The following ZWILCH variants were observed in gnomAD, a reference collection of about 807,000 sequenced individuals.
ZWILCH encodes the protein protein zwilch homolog.
In ZWILCH, 74 loss-of-function variants were observed where a neutral mutation model predicts 79.9. That is an observed-to-expected ratio of 0.93 (90% CI 0.77 to 1.12). ZWILCH has a LOEUF of 1.12. Among genes scored for constraint, ZWILCH ranks in the 50% most tolerant of loss-of-function variants. The pLI, the probability that ZWILCH is intolerant of heterozygous loss-of-function variation, is 0.00. For missense variants in ZWILCH, 694 were observed against 687.5 expected (o/e 1.01, Z -0.11); for synonymous variants, 241 against 228.2 (o/e 1.06, Z -0.51).
In ZWILCH at chr15:66,548,615, C is replaced by A; in HGVS notation, c.*291C>A. ...TGACTTAGCAAGGGCTCTGAAATGA[C>A]AAAGAGAACGAGCACCACAAATGAG... On this transcript the variant is annotated 3_prime_UTR_variant, in exon 19 of 19. Coordinates refer to ENST00000307897, the MANE Select transcript of ZWILCH (RefSeq NM_017975.5). The A allele has an allele frequency of 7.0e-7, 1 of 1,420,498 alleles. No individual in the cohort carries two copies. Among genetic ancestry groups the A allele is most frequent in the South Asian group, 1.2e-5 (1 of 86,734 alleles). The allele number at this position is 1,420,498 out of a possible 1,614,324, so 88.0% of individuals were successfully genotyped here. A position where few individuals can be genotyped will look rare whatever the true frequency, so the allele number is the denominator to read the frequency against.
intron 7 of ZWILCH, chr15:66,523,434 A>G: frequency 2.8e-6 from 1 of 351,200 alleles, no homozygotes; most frequent in Non-Finnish European, 5.1e-6. Flanking sequence ...TGTTCCACAT[A>G]GGTACAATTG....
At chr15:66,517,411 T>TGTGC (rs1325748714) in intron 4 of ZWILCH, among the ~76,000 whole-genome samples, 1 of 45,266 alleles carries the variant, frequency 2.2e-5, no homozygotes, top group African/African-American at 1.0e-4. Flanking sequence ...TTTGTGTTTG[T>TGTGC]GTGTGCGTGT....
At chr15:66,523,833 T>G in intron 8 of ZWILCH, 85 bp downstream of exon 8, 1 of 1,108,610 alleles carries the variant, frequency 9.0e-7, no homozygotes, top group Non-Finnish European at 1.3e-6. Context: ...AGGTTTGTGT[T>G]ACTCAAAACT....
chr15:66,531,548 C>G (rs543169737), intron 12 of ZWILCH, among the ~76,000 whole-genome samples: 1 of 152,140 alleles, frequency 6.6e-6, no homozygotes, highest in Admixed American at 6.5e-5. Flanking sequence ...GCAGCCTCTG[C>G]CTCCCAGGCT....
chr15:66,508,820 A>G (rs1337667844), intron 1 of ZWILCH, 21 bp from the exon 2 acceptor site: 1 of 1,613,736 alleles, frequency 6.2e-7, no homozygotes, highest in Non-Finnish European at 8.5e-7. Flanking sequence ...TCTGTTTTTC[A>G]CATGTGGTTC....
rs1388393988 is a variant in ZWILCH at position 66,523,669 on chromosome 15, C to G, written c.748-8C>G. ...CTAGAAAACTGACAGACTTTGGAAACTTTTTAGAATATTAAAGTGGAATCA... is the reference window on the plus strand; with the variant it reads ...CTAGAAAACTGACAGACTTTGGAAAGTTTTTAGAATATTAAAGTGGAATCA... On this transcript the variant is annotated splice_region_variant and splice_polypyrimidine_tract_variant and intron_variant, in intron 7 of 18. Transcript: ENST00000307897. The G allele has an allele frequency of 2.5e-6, 4 of 1,606,672 alleles. No homozygotes were observed. Among genetic ancestry groups the G allele is most frequent in the Non-Finnish European group, 3.4e-6 (4 of 1,175,172 alleles).
chr15:66,526,308 C>T (rs1316117507), intron 8 of ZWILCH, among the ~76,000 whole-genome samples: 2 of 152,110 alleles, frequency 1.3e-5, no homozygotes, highest in South Asian at 2.1e-4. Flanking sequence ...TCCTATTTCC[C>T]GCTGCTTCAT....
chr15:66,509,924 C>T (rs891066621), intron 2 of ZWILCH, among the ~76,000 whole-genome samples: 2 of 141,802 alleles, frequency 1.4e-5, no homozygotes, highest in Non-Finnish European at 3.1e-5. Flanking sequence ...TGCCTGTAAT[C>T]GCAGCACTTT....
intron 17 of ZWILCH, among the ~76,000 whole-genome samples, chr15:66,545,819 A>G (rs1459861915): frequency 6.6e-6 from 1 of 152,174 alleles, no homozygotes; most frequent in East Asian, 1.9e-4. Flanking sequence ...AAAATGTTTA[A>G]TTTTCTTTCG....
At chr15:66,519,541 G>A (rs560379632) in intron 5 of ZWILCH, among the ~76,000 whole-genome samples, 34 of 152,120 alleles carry the variant, frequency 2.2e-4, no homozygotes, top group African/African-American at 7.2e-4. Context: ...TGCAACCTCC[G>A]CCTCCTGGGT....
At chr15:66,534,672 C>T (rs1000190500) in intron 14 of ZWILCH, among the ~76,000 whole-genome samples, 2 of 151,948 alleles carry the variant, frequency 1.3e-5, no homozygotes, top group East Asian at 1.9e-4. Flanking sequence ...GTAAAAATAA[C>T]GTACAAAAGA....
intron 8 of ZWILCH, chr15:66,524,458 G>A (rs1414966346): frequency 1.3e-5 from 2 of 151,972 alleles, no homozygotes; most frequent in Non-Finnish European, 2.9e-5. Flanking sequence ...ATCATACCAA[G>A]CTCCTTGCTT....
At chr15:66,505,861 T>A (rs1328505121) in intron 1 of ZWILCH, 2 of 172,576 alleles carry the variant, frequency 1.2e-5, no homozygotes, top group Non-Finnish European at 2.5e-5. Flanking sequence ...AAAACACCTT[T>A]ATTTTTTCAC....
rs1895148514 is a variant in ZWILCH, at chr15:66,540,148, T to C, written c.1625T>C (p.Ile542Thr). 6.2e-7 allele frequency: 1 copy of C among 1,613,750 alleles called. No homozygotes were observed. Among genetic ancestry groups the C allele is most frequent in the Non-Finnish European group, 8.5e-7 (1 of 1,179,830 alleles). ...RVEIYSGQKKIKTVWQLSDSS... is the reference protein window; with the variant it reads ...RVEIYSGQKKTKTVWQLSDSS... ...GAAATATATAGTGGTCAAAAGAAGA[T>C]TAAGACAGTTTGGCAACTGAGTGAC... The change falls in exon 17 of 19, where the codon ATT becomes ACT. Residue 542 changes from isoleucine (I) to threonine (T), a missense_variant. Physicochemically the swap from Ile to Thr is moderately conservative, Grantham distance 89 (BLOSUM62 -1). Transcript: ENST00000307897.
rs1356930165 is a variant in ZWILCH at position 66,509,819 on chromosome 15, CTACATATATATATATATATATA to C, written c.105+930_105+951del. 6.0e-5 allele frequency among the ~76,000 whole-genome samples: 3 copies of C among 49,850 alleles called. No homozygotes were observed. In the South Asian group the frequency reaches 1.9e-3, roughly 31 times the overall value. 32.7% of individuals were successfully genotyped at this position (49,850 alleles called of 152,430 possible). The stretch of plus-strand genomic sequence containing the variant: ...TATCTATAATTATGTGTGTGTGTGG[CTACATATATATATATATATATA>C]TATATATATATATATATATATATAT... On this transcript the variant is annotated intron_variant, in intron 2 of 18. Coordinates refer to ENST00000307897, the MANE Select transcript of ZWILCH (RefSeq NM_017975.5).
At chr15:66,544,807 G>A (rs933919492) in intron 17 of ZWILCH, among the ~76,000 whole-genome samples, 5 of 149,302 alleles carry the variant, frequency 3.3e-5, no homozygotes, top group African/African-American at 1.2e-4. Flanking sequence ...GCAGTGGCGC[G>A]ATCTCGGCTC....
At chr15:66,536,096 T>C (rs757192506) in intron 15 of ZWILCH, 27 bp downstream of exon 15, 7 of 1,555,892 alleles carry the variant, frequency 4.5e-6, no homozygotes, top group East Asian at 2.3e-5. Context: ...TCTTCACTTA[T>C]ATAGAAATGT....
In ZWILCH at chr15:66,517,430, G is replaced by GTGTGTGTGTATATA; in HGVS notation, c.321-1448_321-1447insGTGTGTGTATATAT. 3.3e-3 allele frequency among the ~76,000 whole-genome samples: 220 copies of GTGTGTGTGTATATA among 66,508 alleles called. 1 individual carries two copies. Among genetic ancestry groups the GTGTGTGTGTATATA allele is most frequent in the African/African-American group, 0.012 (195 of 16,328 alleles). The allele number at this position is 66,508 out of a possible 152,430, so 43.6% of individuals were successfully genotyped here. A position where few individuals can be genotyped will look rare whatever the true frequency, so the allele number is the denominator to read the frequency against. On this transcript the variant is annotated intron_variant, in intron 4 of 18. Coordinates refer to ENST00000307897, the MANE Select transcript of ZWILCH (RefSeq NM_017975.5). ...TGTTTGTGTGTGCGTGTGTGTGTGT[G>GTGTGTGTGTATATA]TATATATATATATATATATATATAT...
At chr15:66,505,579 G>T (rs566822059) in intron 1 of ZWILCH, 188 bp downstream of exon 1, 2 of 631,554 alleles carry the variant, frequency 3.2e-6, no homozygotes, top group Admixed American at 6.7e-5. Context: ...GAGCTTGCTT[G>T]TCTCAGGAGA....
Sources: gnomAD v4.1 joint callset for allele counts (sites outside exome capture counted in the v4.1 genomes callset) on GRCh38, gnomAD v4.1.1 for gene constraint, MANE v1.5 for transcripts, NCBI Gene and HGNC (gene_info 2026-07-23, HGNC 2026-07-21) for gene names.